Variants in IGFBP7 observed in about 807,000 individuals in gnomAD.
IGFBP7 encodes the protein insulin like growth factor binding protein 7.
A neutral mutation model predicts 29.4 loss-of-function variants in IGFBP7; 31 were observed. The observed-to-expected ratio is 1.05, with a 90% CI of 0.79 to 1.42. The LOEUF (loss-of-function observed/expected upper bound fraction) is 1.42. IGFBP7 is among the 40% of genes most tolerant of loss of function. The pLI, the probability that IGFBP7 is intolerant of heterozygous loss-of-function variation, is 0.00. For synonymous variants in IGFBP7, 172 were observed against 174.9 expected, an observed-to-expected ratio of 0.98 and a Z score of 0.13; for missense variants, 393 against 395.5, an observed-to-expected ratio of 0.99 and a Z score of 0.05.
intron 1 of IGFBP7, among the ~76,000 whole-genome samples, chr4:57,084,955 T>C (rs1725463331): frequency 1.3e-5 from 2 of 151,964 alleles, no homozygotes; most frequent in Admixed American, 1.3e-4. Context: ...CATGCCTGGA[T>C]AATTTTTTTT....
intron 1 of IGFBP7, among the ~76,000 whole-genome samples, chr4:57,108,588 C>T (rs1726094125): frequency 6.6e-6 from 1 of 151,896 alleles, no homozygotes; most frequent in Non-Finnish European, 1.5e-5. Context: ...GTCACCCAGG[C>T]TGGAGTGCTG....
intron 1 of IGFBP7, among the ~76,000 whole-genome samples, chr4:57,109,084 A>G (rs1482560354): frequency 6.6e-6 from 1 of 152,202 alleles, no homozygotes; most frequent in Non-Finnish European, 1.5e-5. Flanking sequence ...ATAATTAGCT[A>G]GTTAGATTAC....
chr4:57,061,499 A>G (rs1159505251), intron 1 of IGFBP7, among the ~76,000 whole-genome samples: 1 of 152,192 alleles, frequency 6.6e-6, no homozygotes, highest in East Asian at 1.9e-4. Context: ...AAGCACTGTG[A>G]TACCATGACA....
intron 1 of IGFBP7, among the ~76,000 whole-genome samples, chr4:57,065,073 C>G (rs1028255929): frequency 3.9e-5 from 6 of 152,224 alleles, no homozygotes; most frequent in African/African-American, 1.4e-4. Context: ...TCCCCCAGTT[C>G]CCCTGAGCCT....
chr4:57,067,978 G>A (rs1724960725), intron 1 of IGFBP7, among the ~76,000 whole-genome samples: 1 of 152,214 alleles, frequency 6.6e-6, no homozygotes, highest in Admixed American at 6.5e-5. Context: ...AGAAGAGGTT[G>A]TGGTTACAAG....
At chr4:57,048,133 G>A (rs1332059354) in intron 1 of IGFBP7, among the ~76,000 whole-genome samples, 1 of 149,804 alleles carries the variant, frequency 6.7e-6, no homozygotes, top group Non-Finnish European at 1.5e-5. Flanking sequence ...CTCACTGCAA[G>A]CTCCACATCC....
At chr4:57,052,879 G>A (rs1046953473) in intron 1 of IGFBP7, among the ~76,000 whole-genome samples, 6 of 152,134 alleles carry the variant, frequency 3.9e-5, no homozygotes, top group African/African-American at 7.2e-5. Flanking sequence ...ATCTCACTAC[G>A]ATGACTGTCA....
At chr4:57,095,965 G>A (rs769609542) in intron 1 of IGFBP7, among the ~76,000 whole-genome samples, 3 of 152,024 alleles carry the variant, frequency 2.0e-5, no homozygotes, top group Non-Finnish European at 4.4e-5. Flanking sequence ...TCTATTAAGT[G>A]CCTACCGTAT....
intron 1 of IGFBP7, among the ~76,000 whole-genome samples, chr4:57,046,263 AG>A: frequency 1.3e-5 from 2 of 152,078 alleles, no homozygotes; most frequent in African/African-American, 4.8e-5. Flanking sequence ...TCCATTGATC[AG>A]CAATTTCACT....
At chr4:57,058,002 T>A (rs1443501983) in intron 1 of IGFBP7, among the ~76,000 whole-genome samples, 2 of 152,112 alleles carry the variant, frequency 1.3e-5, no homozygotes, top group Admixed American at 6.6e-5. Context: ...CCACCCCATA[T>A]CCATGGGAGC....
intron 1 of IGFBP7, chr4:57,073,054 G>A: frequency 7.1e-7 from 1 of 1,402,822 alleles, no homozygotes; most frequent in Non-Finnish European, 1.0e-6. Flanking sequence ...ATGCTGCCAA[G>A]CTCTGGAAAC....
intron 1 of IGFBP7, among the ~76,000 whole-genome samples, chr4:57,076,942 A>G (rs533644442): frequency 1.3e-5 from 2 of 152,230 alleles, no homozygotes; most frequent in East Asian, 1.9e-4. Context: ...CATCTTACTC[A>G]TAATTTCAAT....
intron 1 of IGFBP7, among the ~76,000 whole-genome samples, chr4:57,055,828 T>A (rs1164035394): frequency 2.6e-5 from 4 of 152,022 alleles, no homozygotes; most frequent in Non-Finnish European, 5.9e-5. Context: ...CTTTGCTCAT[T>A]TCTGGTCCGA....
chr4:57,070,781 G>A (rs17087487), intron 1 of IGFBP7, among the ~76,000 whole-genome samples: 12,557 of 152,164 alleles, frequency 0.083, 648 homozygotes, highest in African/African-American at 0.14. Context: ...TGGCCGCAGG[G>A]GTAATGAGCA....
chr4:57,036,136 G>A (rs12642627), intron 2 of IGFBP7, among the ~76,000 whole-genome samples: 7 of 152,160 alleles, frequency 4.6e-5, no homozygotes, highest in Non-Finnish European at 1.0e-4. Flanking sequence ...AGACTTGGAC[G>A]GATGTCCATG....
intron 1 of IGFBP7, chr4:57,072,907 C>T: frequency 1.4e-6 from 1 of 711,092 alleles, no homozygotes; most frequent in Non-Finnish European, 2.6e-6. Context: ...GCTACCACCC[C>T]AACATGGACA....
At chr4:57,104,567 A>C (rs1725976105) in intron 1 of IGFBP7, among the ~76,000 whole-genome samples, 1 of 152,222 alleles carries the variant, frequency 6.6e-6, no homozygotes, top group Non-Finnish European at 1.5e-5. Flanking sequence ...ATGATATATT[A>C]TCAACATAAA....
In IGFBP7 at chr4:57,040,872, C is replaced by G; in HGVS notation, c.537G>C (p.Leu179Phe). Residue 179 changes from leucine (L) to phenylalanine (F), a missense_variant, in exon 2 of 5, where the codon TTG (leucine) becomes TTC (phenylalanine). Leu to Phe is a conservative substitution (Grantham distance 22). Transcript: ENST00000295666. The stretch of plus-strand genomic sequence containing the variant: ...TCGGGATTCCGATGACCTCACAGCT[C>G]AAGTACACCTGGGCACCAGTGACAT... ...IWNVTGAQVY[L>F]SCEVIGIPTP... is the part of the protein sequence containing the mutation. The G allele has an allele frequency of 6.2e-7, 1 of 1,614,174 alleles. No individual in the cohort carries two copies. The highest frequency in any genetic ancestry group is 8.5e-7 in the Non-Finnish European group (1 of 1,180,008).
chr4:57,070,400 A>G (rs1277890648), intron 1 of IGFBP7, among the ~76,000 whole-genome samples: 1 of 152,242 alleles, frequency 6.6e-6, no homozygotes, highest in Non-Finnish European at 1.5e-5. Context: ...TGATTGTCTT[A>G]TTATGTTAAC....
Sources: allele counts gnomAD v4.1 joint callset (sites outside exome capture counted in the v4.1 genomes callset), GRCh38; gene constraint gnomAD v4.1.1; transcripts MANE v1.5; gene names NCBI Gene and HGNC (gene_info 2026-07-23, HGNC 2026-07-21).